The following SLC17A6 variants were observed in gnomAD, a reference collection of about 807,000 sequenced individuals.
The protein encoded by SLC17A6 is solute carrier family 17 member 6, also known as vesicular glutamate transporter 2.
In SLC17A6, 35 loss-of-function variants were observed where a neutral mutation model predicts 67.1. That is an observed-to-expected ratio of 0.52 (90% CI 0.40 to 0.69). SLC17A6 has a LOEUF of 0.69. SLC17A6 is among the 30% of genes least tolerant of loss of function. The probability of loss-of-function intolerance (pLI) is 0.00; values close to 1 mark genes in which losing one functional copy is unlikely to be tolerated. For missense variants in SLC17A6, 588 were observed against 723.9 expected, an observed-to-expected ratio of 0.81 and a Z score of 2.15; for synonymous variants, 285 against 252.3, an observed-to-expected ratio of 1.13 and a Z score of -1.23.
intron 3 of SLC17A6, among the ~76,000 whole-genome samples, chr11:22,357,055 A>G (rs1855999383): frequency 1.3e-5 from 2 of 152,212 alleles, no homozygotes. Context: ...TATATGCATA[A>G]TCAGGTATAA....
At chr11:22,351,725 C>T (rs1855941384) in intron 3 of SLC17A6, among the ~76,000 whole-genome samples, 2 of 152,082 alleles carry the variant, frequency 1.3e-5, no homozygotes, top group South Asian at 4.1e-4. Context: ...GCCTGTGGAA[C>T]AATTTTGAGA....
chr11:22,363,915 C>G (rs930097096), intron 6 of SLC17A6, among the ~76,000 whole-genome samples: 1 of 152,038 alleles, frequency 6.6e-6, no homozygotes, highest in African/African-American at 2.4e-5. Context: ...GTTGGTATGG[C>G]TATCCAATTA....
chr11:22,372,103 A>G (rs932960109), intron 8 of SLC17A6, among the ~76,000 whole-genome samples: 1 of 151,996 alleles, frequency 6.6e-6, no homozygotes, highest in Non-Finnish European at 1.5e-5. Flanking sequence ...ATTTACATGG[A>G]GGGTCATTCT....
intron 11 of SLC17A6, among the ~76,000 whole-genome samples, chr11:22,376,889 C>T (rs190700065): frequency 6.6e-6 from 1 of 152,112 alleles, no homozygotes; most frequent in Non-Finnish European, 1.5e-5. Flanking sequence ...GTTTCTCAAC[C>T]CTTTTTAATA....
chr11:22,368,770 G>A (rs1335244813), intron 7 of SLC17A6, among the ~76,000 whole-genome samples: 3 of 151,948 alleles, frequency 2.0e-5, no homozygotes, highest in Non-Finnish European at 2.9e-5. Context: ...TATTTTCCCA[G>A]AACATATTGA....
intron 2 of SLC17A6, chr11:22,342,836 G>A (rs1855833073): frequency 5.1e-6 from 2 of 389,574 alleles, no homozygotes; most frequent in Non-Finnish European, 1.0e-5. Context: ...AGTCTCCAGG[G>A]TTGGAAGTCA....
chr11:22,369,719 A>G (rs1590393215), intron 7 of SLC17A6, among the ~76,000 whole-genome samples: 1 of 151,790 alleles, frequency 6.6e-6, no homozygotes, highest in Non-Finnish European at 1.5e-5. Context: ...AAAAAAATAA[A>G]ACAAATGGAA....
chr11:22,370,035 T>G lies in SLC17A6; in HGVS notation c.892-4T>G. The G allele has an allele frequency of 3.1e-6, 5 of 1,603,712 alleles. No homozygotes were observed. Among genetic ancestry groups the G allele is most frequent in the Non-Finnish European group, 4.2e-6 (5 of 1,177,068 alleles). On this transcript the variant is annotated splice_polypyrimidine_tract_variant and splice_region_variant and intron_variant, in intron 7 of 11. Transcript: ENST00000263160. Reference sequence around the variant, plus strand: ...TCATAATGTCTCTCTTTTTGGAATTTCAGAAATTCAAGACTCCATGGAGGA... The same window carrying G: ...TCATAATGTCTCTCTTTTTGGAATTGCAGAAATTCAAGACTCCATGGAGGA...
chr11:22,365,737 C>A lies in SLC17A6; in HGVS notation c.891+48C>A, dbSNP rs745545570. ...TATTCCTATCTTATTCCCATCTCGC[C>A]CCCATTGACCAACCAAACTATCTTA... On this transcript the variant is annotated intron_variant, in intron 7 of 11. Transcript: ENST00000263160. The A allele has an allele frequency of 1.9e-6, 3 of 1,545,228 alleles. No individual in the cohort carries two copies. In the African/African-American group the frequency reaches 4.2e-5, roughly 22 times the overall value.
intron 6 of SLC17A6, among the ~76,000 whole-genome samples, chr11:22,363,261 G>A (rs1856072880): frequency 6.6e-6 from 1 of 152,104 alleles, no homozygotes; most frequent in South Asian, 2.1e-4. Context: ...AGGGGGTGGT[G>A]GTGCTAAAGT....
intron 3 of SLC17A6, among the ~76,000 whole-genome samples, chr11:22,358,147 C>A (rs1170205401): frequency 6.6e-6 from 1 of 151,976 alleles, no homozygotes; most frequent in Non-Finnish European, 1.5e-5. Flanking sequence ...ATGAGGCAAC[C>A]AACATTGACT....
chr11:22,343,766 G>C (rs1855845822), intron 3 of SLC17A6, among the ~76,000 whole-genome samples: 1 of 152,176 alleles, frequency 6.6e-6, no homozygotes, highest in Non-Finnish European at 1.5e-5. Flanking sequence ...AGGCTCCCAG[G>C]CTCCCCGAGG....
chr11:22,349,468 C>G (rs1273169439), intron 3 of SLC17A6, among the ~76,000 whole-genome samples: 1 of 152,170 alleles, frequency 6.6e-6, no homozygotes, highest in Middle Eastern at 3.2e-3. Flanking sequence ...AGGGAGGGGT[C>G]TCCAAGGGCT....
intron 1 of SLC17A6, 108 bp from the exon 2 acceptor site, chr11:22,341,420 T>A (rs3816363): frequency 0.094 from 138,358 of 1,469,838 alleles, 11,315 homozygotes; most frequent in East Asian, 0.46. Flanking sequence ...TGGGGGGAGG[T>A]CGACGGCCCT....
intron 3 of SLC17A6, among the ~76,000 whole-genome samples, chr11:22,351,168 A>C (rs2133863890): frequency 6.6e-6 from 1 of 152,264 alleles, no homozygotes; most frequent in African/African-American, 2.4e-5. Context: ...AATAATAAGT[A>C]TATATATCAC....
intron 4 of SLC17A6, 97 bp from the exon 5 acceptor site, chr11:22,360,800 G>A (rs1856043987): frequency 6.4e-6 from 6 of 935,126 alleles, no homozygotes; most frequent in Non-Finnish European, 9.8e-6. Flanking sequence ...AAATTGAGGT[G>A]GAAGGAAGTC....
chr11:22,343,488 G>A lies in SLC17A6; in HGVS notation c.458+123G>A, dbSNP rs1855842802. 3 of 717,448 alleles carry A rather than the reference G, an allele frequency of 4.2e-6. No homozygotes were observed. The South Asian group carries it at 5.7e-5, about 14-fold the overall frequency. 44.4% of individuals were successfully genotyped at this position (717,448 alleles called of 1,614,324 possible). On this transcript the variant is annotated intron_variant, in intron 3 of 11. Transcript: ENST00000263160. ...GAGGACTCCCGGGCGAAGTCTTCTA[G>A]TCCCTTGACACACCCTCTCAGGGCT...
intron 7 of SLC17A6, among the ~76,000 whole-genome samples, chr11:22,369,771 A>G (rs1462070861): frequency 6.6e-6 from 1 of 151,960 alleles, no homozygotes; most frequent in East Asian, 1.9e-4. Context: ...TTTGGAATCA[A>G]TTTTCTATAA....
intron 3 of SLC17A6, among the ~76,000 whole-genome samples, chr11:22,357,044 G>A (rs1855999296): frequency 6.6e-6 from 1 of 152,126 alleles, no homozygotes. Context: ...TAACTACCTA[G>A]TATATGCATA....
Sources: gnomAD v4.1 joint callset for allele counts (sites outside exome capture counted in the v4.1 genomes callset) on GRCh38, gnomAD v4.1.1 for gene constraint, MANE v1.5 for transcripts, NCBI Gene and HGNC (gene_info 2026-07-23, HGNC 2026-07-21) for gene names.